The following TET2 variants were observed in gnomAD, a reference collection of about 807,000 sequenced individuals.
TET2 encodes the protein tet methylcytosine dioxygenase 2.
Under a neutral mutation model 142.9 loss-of-function variants are expected in TET2, and 299 were observed. That is an observed-to-expected ratio of 2.09 (90% CI 1.90 to 2.30). TET2 has a LOEUF of 2.30. TET2 is among the 30% of genes most tolerant of loss of function. The probability of loss-of-function intolerance (pLI) is 0.00; values close to 1 mark genes in which losing one functional copy is unlikely to be tolerated. For synonymous variants in TET2, 819 were observed against 849.0 expected (o/e 0.96, Z 0.61); for missense variants, 2,418 against 2,378.0 (o/e 1.02, Z -0.35).
intron 1 of TET2, among the ~76,000 whole-genome samples, chr4:105,155,686 T>C (rs1723531593): frequency 6.6e-6 from 1 of 152,216 alleles, no homozygotes; most frequent in Non-Finnish European, 1.5e-5. Flanking sequence ...CTTGGGACCA[T>C]GACTGATAAC....
chr4:105,172,594 A>G (rs1024376425), intron 1 of TET2: 3 of 152,210 alleles, frequency 2.0e-5, no homozygotes, highest in Non-Finnish European at 4.4e-5. Flanking sequence ...TTTTAAGGTC[A>G]ACGGTATTTG....
intron 6 of TET2, among the ~76,000 whole-genome samples, chr4:105,253,758 G>A (rs1471692450): frequency 6.6e-6 from 1 of 151,786 alleles, no homozygotes; most frequent in Non-Finnish European, 1.5e-5. Context: ...TTAGCTCTAT[G>A]GTTTTGTAGA....
At chr4:105,200,298 T>C (rs949158749) in intron 2 of TET2, among the ~76,000 whole-genome samples, 16 of 151,444 alleles carry the variant, frequency 1.1e-4, no homozygotes, top group African/African-American at 3.9e-4. Context: ...ATCAGTGATG[T>C]TGAGCTTTAT....
chr4:105,263,379 C>G (rs1730538581), intron 8 of TET2, among the ~76,000 whole-genome samples: 2 of 152,222 alleles, frequency 1.3e-5, no homozygotes, highest in South Asian at 4.1e-4. Context: ...AAAGCTATTG[C>G]AATCATTGGG....
intron 8 of TET2, among the ~76,000 whole-genome samples, chr4:105,267,728 CT>C (rs1273237871): frequency 1.3e-5 from 2 of 151,126 alleles, no homozygotes; most frequent in Non-Finnish European, 3.0e-5. Context: ...TTTAACACCC[CT>C]AATTATAAGG....
chr4:105,199,070 A>G (rs1001373543), intron 2 of TET2, among the ~76,000 whole-genome samples: 1 of 152,178 alleles, frequency 6.6e-6, no homozygotes, highest in African/African-American at 2.4e-5. Context: ...ATGAACATAA[A>G]TGTTTTACTG....
rs1050537380 is a variant in TET2, at chr4:105,233,962, A to G, written c.20A>G (p.Asn7Ser). 10 of 1,613,878 alleles carry G rather than the reference A, an allele frequency of 6.2e-6. No homozygotes were observed. Among genetic ancestry groups the G allele is most frequent in the Non-Finnish European group, 7.6e-6 (9 of 1,179,964 alleles). MEQDRT[N>S]HVEGNRLSPF... ...AGCCTGATGGAACAGGATAGAACCA[A>G]CCATGTTGAGGGCAACAGACTAAGT... is the stretch of plus-strand genomic sequence containing the variant. Residue 7 changes from asparagine (N) to serine (S), a missense_variant, in exon 3 of 11, where the codon AAC becomes AGC. Asn to Ser is a conservative substitution (Grantham distance 46). Transcript: ENST00000380013.
intron 9 of TET2, among the ~76,000 whole-genome samples, chr4:105,270,082 T>G (rs1259604219): frequency 1.3e-5 from 2 of 152,168 alleles, no homozygotes; most frequent in African/African-American, 4.8e-5. Context: ...ATGGGAATTT[T>G]GGGAGCTACA....
In TET2 at chr4:105,273,723, G is replaced by A. The variant is rs1731071931; in HGVS notation, c.4537+805G>A. Among the ~76,000 whole-genome samples the A allele has an allele frequency of 1.3e-5, 2 of 152,142 alleles. 1 individual carries two copies. The highest frequency in any genetic ancestry group is 4.1e-4 in the South Asian group (2 of 4,828). ...AAATATGATTGAGAGAGAGAGAGGG[G>A]AGAATGAAACATTTTTCCTTAGACA... On this transcript the variant is annotated intron_variant, in intron 10 of 10. Transcript: ENST00000380013.
chr4:105,221,752 T>G (rs1244768778), intron 2 of TET2, among the ~76,000 whole-genome samples: 1 of 152,042 alleles, frequency 6.6e-6, no homozygotes, highest in East Asian at 1.9e-4. Context: ...TTAGGGTACA[T>G]GGGCACAATG....
intron 1 of TET2, among the ~76,000 whole-genome samples, chr4:105,153,464 T>C (rs570461520): frequency 1.3e-5 from 2 of 152,384 alleles, no homozygotes; most frequent in Admixed American, 6.5e-5. Flanking sequence ...TGTGTCAGAA[T>C]GTAAGTTTTT....
rs1173249032 is a variant in TET2, at chr4:105,234,353, T to C, written c.411T>C (p.Ser137=). Residue 137 remains serine (S), a synonymous_variant, in exon 3 of 11, where the codon AGT becomes AGC. Transcript: ENST00000380013. ...VSQERNPGES[S]QPNVSDLSDK... The stretch of plus-strand genomic sequence containing the variant: ...AAGAAAGAAATCCAGGTGAAAGCAG[T>C]CAACCAAATGTCTCCGATTTGAGTG... The C allele has an allele frequency of 3.7e-6, 6 of 1,613,930 alleles. No homozygotes were observed. In the East Asian group the frequency reaches 8.9e-5, roughly 24 times the overall value.
chr4:105,188,592 A>G (rs759357987), intron 1 of TET2, among the ~76,000 whole-genome samples: 1 of 152,226 alleles, frequency 6.6e-6, no homozygotes, highest in Non-Finnish European at 1.5e-5. Flanking sequence ...TTATGAGGCT[A>G]AAAGTGGAAG....
intron 2 of TET2, among the ~76,000 whole-genome samples, chr4:105,225,798 A>G (rs765981799): frequency 3.9e-5 from 6 of 152,142 alleles, no homozygotes; most frequent in South Asian, 2.1e-4. Flanking sequence ...TTGAGCTCCA[A>G]TTCTCTGAGT....
Position 105,259,639 on chromosome 4 carries a change from G to A in TET2, c.3824G>A (p.Gly1275Glu). Reference sequence around the variant, plus strand: ...TTCAGGAGAACTTGCGCCTGTCAGGGGCTGGATCCAGAAACCTGTGGTGCC... The same window carrying A: ...TTCAGGAGAACTTGCGCCTGTCAGGAGCTGGATCCAGAAACCTGTGGTGCC... ...LNEERTCACQ[G>E]LDPETCGASF... is the part of the protein sequence containing the mutation. Residue 1275 changes from glycine (G) to glutamate (E), a missense_variant, in exon 7 of 11, where the codon GGG (glycine) becomes GAG (glutamate). Gly to Glu is a moderately conservative substitution (Grantham distance 98, BLOSUM62 -2). Coordinates refer to ENST00000380013, the MANE Select transcript of TET2 (RefSeq NM_001127208.3). 6.4e-7 allele frequency: 1 copy of A among 1,550,834 alleles called. No homozygotes were observed. Among genetic ancestry groups the A allele is most frequent in the Non-Finnish European group, 8.7e-7 (1 of 1,146,380 alleles).
chr4:105,215,498 G>A (rs1249354613), intron 2 of TET2, among the ~76,000 whole-genome samples: 1 of 152,144 alleles, frequency 6.6e-6, no homozygotes, highest in African/African-American at 2.4e-5. Context: ...AATTAGAGAT[G>A]AAATACTTGT....
chr4:105,190,729 A>T (rs1725737060), intron 2 of TET2: 1 of 451,262 alleles, frequency 2.2e-6, no homozygotes. Flanking sequence ...GGAGAAAGAT[A>T]GATTTTTATC....
chr4:105,272,995 C>G (rs1731040047), intron 10 of TET2, 77 bp downstream of exon 10: 1 of 1,212,914 alleles, frequency 8.2e-7, no homozygotes, highest in African/African-American at 1.5e-5. Flanking sequence ...TGGTTTTGCC[C>G]CCATCAACTT....
intron 2 of TET2, among the ~76,000 whole-genome samples, chr4:105,225,209 T>TGTGTGTGTGTGTGTGA (rs1728115049): frequency 6.6e-6 from 1 of 151,452 alleles, no homozygotes; most frequent in African/African-American, 2.4e-5. Flanking sequence ...TGTGTGTGTG[T>TGTGTGTGTGTGTGTGA]GATTTGAATA....
Sources: allele counts gnomAD v4.1 joint callset (sites outside exome capture counted in the v4.1 genomes callset), GRCh38; gene constraint gnomAD v4.1.1; transcripts MANE v1.5; gene names NCBI Gene and HGNC (gene_info 2026-07-23, HGNC 2026-07-21).